NBAS: variants seen among roughly 807,000 people sequenced by gnomAD.
The protein encoded by NBAS is NBAS subunit of NRZ tethering complex.
NBAS carries 219 observed loss-of-function variants against 302.5 expected under a neutral mutation model. That is an observed-to-expected ratio of 0.72 (90% CI 0.65 to 0.81). The LOEUF (loss-of-function observed/expected upper bound fraction) is 0.81. NBAS is among the 30% of genes least tolerant of loss of function. NBAS has a pLI of 0.00. For missense variants in NBAS, 2,932 were observed against 2,841.6 expected, an observed-to-expected ratio of 1.03 and a Z score of -0.72; for synonymous variants, 1,118 against 1,021.6, an observed-to-expected ratio of 1.09 and a Z score of -1.80.
intron 8 of NBAS, among the ~76,000 whole-genome samples, 173 bp downstream of exon 8, chr2:15,536,245 A>G (rs978823803): frequency 6.6e-6 from 1 of 152,184 alleles, no homozygotes; most frequent in Non-Finnish European, 1.5e-5. Context: ...TCCTAATTGT[A>G]GAACCCAAGT....
chr2:15,468,870 A>G lies in NBAS; in HGVS notation c.1726-337T>C, dbSNP rs1679838451. 2.0e-5 allele frequency among the ~76,000 whole-genome samples: 3 copies of G among 152,242 alleles called. 1 individual carries two copies. The South Asian group carries it at 6.2e-4, about 31-fold the overall frequency. On this transcript the variant is annotated intron_variant, in intron 16 of 51. Coordinates refer to ENST00000281513, the MANE Select transcript of NBAS (RefSeq NM_015909.4). ...GCACCGTGGCTGTATAATAGAGCAGACAATAAGGCAGAAAGGCAAGATATA... is the reference window on the plus strand; with the variant it reads ...GCACCGTGGCTGTATAATAGAGCAGGCAATAAGGCAGAAAGGCAAGATATA...
chr2:15,186,083 TATACAC>T (rs1414357500), intron 50 of NBAS, among the ~76,000 whole-genome samples: 5 of 129,000 alleles, frequency 3.9e-5, no homozygotes, highest in African/African-American at 1.1e-4. Context: ...TACATATATA[TATACAC>T]ACACACACAC....
At chr2:15,160,220 C>T in the NBAS span, among the ~76,000 whole-genome samples, 1 of 151,942 alleles carries the variant, frequency 6.6e-6, no homozygotes, top group Non-Finnish European at 1.5e-5. Flanking sequence ...GTAAGGAGAC[C>T]AGGTAGAAAA....
chr2:15,474,709 C>T (rs1680113965), intron 14 of NBAS, among the ~76,000 whole-genome samples: 1 of 151,970 alleles, frequency 6.6e-6, no homozygotes, highest in Non-Finnish European at 1.5e-5. Flanking sequence ...TACAGGCACC[C>T]GCCACCACGC....
At chr2:14,944,324 AAAAAAAC>A in the NBAS span, among the ~76,000 whole-genome samples, 1 of 151,998 alleles carries the variant, frequency 6.6e-6, no homozygotes. Flanking sequence ...ACAAAAAAAC[AAAAAAAC>A]AAAAAACTGC....
the NBAS span, among the ~76,000 whole-genome samples, chr2:14,813,801 A>G: frequency 1.3e-5 from 2 of 152,222 alleles, no homozygotes; most frequent in Non-Finnish European, 2.9e-5. Context: ...AAATATCAAC[A>G]GCCAGGACAA....
chr2:14,881,998 T>C, the NBAS span, among the ~76,000 whole-genome samples: 1 of 152,076 alleles, frequency 6.6e-6, no homozygotes, highest in African/African-American at 2.4e-5. Flanking sequence ...AATGTGTAAA[T>C]GTCCCATGTA....
intron 21 of NBAS, among the ~76,000 whole-genome samples, chr2:15,433,861 C>G (rs1277360723): frequency 1.3e-5 from 2 of 151,438 alleles, no homozygotes; most frequent in Non-Finnish European, 2.9e-5. Context: ...TTTTGGGAGG[C>G]ACAGAGAAGG....
intron 42 of NBAS, among the ~76,000 whole-genome samples, chr2:15,277,780 AAAGT>A (rs1669651613): frequency 1.3e-5 from 2 of 152,178 alleles, no homozygotes; most frequent in African/African-American, 4.8e-5. Flanking sequence ...GGGAAAAGAA[AAAGT>A]AAGGTATTTT....
the NBAS span, among the ~76,000 whole-genome samples, chr2:14,906,580 G>A: frequency 1.3e-5 from 2 of 152,162 alleles, no homozygotes; most frequent in African/African-American, 4.8e-5. Flanking sequence ...CTGCCCTAGA[G>A]AGTTGTGGAA....
At chr2:15,072,401 G>A in the NBAS span, among the ~76,000 whole-genome samples, 29 of 152,102 alleles carry the variant, frequency 1.9e-4, no homozygotes, top group Non-Finnish European at 3.4e-4. Context: ...GACATATTAA[G>A]TACATGACTC....
chr2:14,908,674 G>A, the NBAS span, among the ~76,000 whole-genome samples: 60 of 152,294 alleles, frequency 3.9e-4, no homozygotes, highest in Middle Eastern at 3.4e-3. Flanking sequence ...CTTGATTTCC[G>A]TGCTGATTGA....
chr2:15,327,848 T>C lies in NBAS; in HGVS notation c.4484A>G (p.Tyr1495Cys), dbSNP rs1203573467. 2.5e-6 allele frequency: 4 copies of C among 1,613,678 alleles called. No individual in the cohort carries two copies. Among genetic ancestry groups the C allele is most frequent in the African/African-American group, 2.7e-5 (2 of 75,012 alleles). Residue 1495 changes from tyrosine to cysteine, a missense_variant, in exon 38 of 52, where the codon TAT becomes TGT. Transcript: ENST00000281513. ...AAAGCTTTCCACTGGAACATGCTGA[T>C]AGGTGTCATAGGTCCCTTCAGACTA... ...VAESEGTYDT[Y>C]QHVPVESFAE...
At chr2:15,071,518 G>A in the NBAS span, among the ~76,000 whole-genome samples, 1 of 151,868 alleles carries the variant, frequency 6.6e-6, no homozygotes, top group African/African-American at 2.4e-5. Context: ...CAGCTACTCG[G>A]GGGACTGAGG....
At chr2:15,467,605 C>T in intron 18 of NBAS, 59 bp downstream of exon 18, 1 of 1,508,206 alleles carries the variant, frequency 6.6e-7, no homozygotes, top group East Asian at 2.3e-5. Flanking sequence ...GTAAGGAACA[C>T]ACTGAAATGA....
At chr2:15,279,457 A>C (rs1284615779) in intron 42 of NBAS, among the ~76,000 whole-genome samples, 2 of 152,178 alleles carry the variant, frequency 1.3e-5, no homozygotes, top group Non-Finnish European at 2.9e-5. Context: ...TCCCAGCAGC[A>C]ATAATCGAAA....
chr2:15,395,069 G>C (rs1394386376), intron 27 of NBAS, among the ~76,000 whole-genome samples: 2 of 152,022 alleles, frequency 1.3e-5, no homozygotes, highest in African/African-American at 4.8e-5. Context: ...GCTATCAGGT[G>C]GAACAGGATA....
At chr2:14,875,830 T>G in the NBAS span, among the ~76,000 whole-genome samples, 1 of 152,184 alleles carries the variant, frequency 6.6e-6, no homozygotes, top group South Asian at 2.1e-4. Context: ...AAAGGCAAAC[T>G]ACTTTTGTCC....
At chr2:15,338,395 T>C (rs1672689714) in intron 35 of NBAS, among the ~76,000 whole-genome samples, 1 of 152,120 alleles carries the variant, frequency 6.6e-6, no homozygotes, top group Admixed American at 6.5e-5. Context: ...GCAAATTTCA[T>C]CTGAACTCAA....
Sources: allele counts gnomAD v4.1 joint callset (sites outside exome capture counted in the v4.1 genomes callset), GRCh38; gene constraint gnomAD v4.1.1; transcripts MANE v1.5; gene names NCBI Gene and HGNC (gene_info 2026-07-23, HGNC 2026-07-21).